AGBL4: variants seen among roughly 807,000 people sequenced by gnomAD.
The protein encoded by AGBL4 is AGBL carboxypeptidase 4.
Under a neutral mutation model 66.4 loss-of-function variants are expected in AGBL4, and 58 were observed. The observed-to-expected ratio is 0.87, with a 90% CI of 0.71 to 1.09. The LOEUF (loss-of-function observed/expected upper bound fraction) is 1.09, where lower values mean the gene tolerates loss of function less well. AGBL4 is among the 50% of genes least tolerant of loss of function. The probability of loss-of-function intolerance (pLI) is 0.00; values close to 1 mark genes in which losing one functional copy is unlikely to be tolerated. For synonymous variants in AGBL4, 234 were observed against 222.9 expected, an observed-to-expected ratio of 1.05 and a Z score of -0.44; for missense variants, 579 against 631.0, an observed-to-expected ratio of 0.92 and a Z score of 0.88.
chr1:49,658,521 G>T (rs1017056015), intron 3 of AGBL4, among the ~76,000 whole-genome samples: 11 of 152,110 alleles, frequency 7.2e-5, no homozygotes, highest in African/African-American at 2.7e-4. Context: ...TATACCCAAA[G>T]GAATATAAAT....
At chr1:48,847,841 A>T (rs993304373) in intron 6 of AGBL4, among the ~76,000 whole-genome samples, 2 of 152,228 alleles carry the variant, frequency 1.3e-5, no homozygotes, top group Admixed American at 1.3e-4. Flanking sequence ...CCTGGTACAC[A>T]GTCTGTGCTC....
intron 2 of AGBL4, chr1:49,842,097 T>C: frequency 2.9e-6 from 1 of 340,494 alleles, no homozygotes; most frequent in South Asian, 3.0e-5. Flanking sequence ...CCCGACCTCC[T>C]GAAGTCCGCG....
intron 3 of AGBL4, among the ~76,000 whole-genome samples, chr1:49,298,762 G>T (rs1474333997): frequency 6.6e-6 from 1 of 152,160 alleles, no homozygotes; most frequent in African/African-American, 2.4e-5. Context: ...TTCTGACATG[G>T]GAATTTTATC....
At chr1:49,790,576 T>TTATAC (rs1210853119) in intron 2 of AGBL4, among the ~76,000 whole-genome samples, 4 of 152,074 alleles carry the variant, frequency 2.6e-5, no homozygotes, top group Admixed American at 2.6e-4. Context: ...TCAATTGAGT[T>TTATAC]TATACAGCAA....
intron 6 of AGBL4, among the ~76,000 whole-genome samples, chr1:48,715,479 C>T (rs992193891): frequency 7.2e-5 from 11 of 152,286 alleles, no homozygotes; most frequent in South Asian, 6.2e-4. Flanking sequence ...CCTGTGCCCA[C>T]GAGCTCTTGG....
At chr1:49,991,690 T>C (rs1042648998) in intron 1 of AGBL4, among the ~76,000 whole-genome samples, 1 of 152,156 alleles carries the variant, frequency 6.6e-6, no homozygotes, top group Non-Finnish European at 1.5e-5. Context: ...AATCTATCCT[T>C]TCCACAACAA....
At chr1:49,613,874 C>T (rs186087979) in intron 3 of AGBL4, among the ~76,000 whole-genome samples, 2 of 152,226 alleles carry the variant, frequency 1.3e-5, no homozygotes, top group African/African-American at 4.8e-5. Flanking sequence ...AAAACTGGTC[C>T]CTGGTGCCAA....
At chr1:49,316,122 G>A (rs1013452937) in intron 3 of AGBL4, among the ~76,000 whole-genome samples, 3 of 151,910 alleles carry the variant, frequency 2.0e-5, no homozygotes, top group Non-Finnish European at 2.9e-5. Context: ...AGAAAGGGAC[G>A]AATAGGTGGA....
At chr1:49,399,240 C>T (rs1447331058) in intron 3 of AGBL4, among the ~76,000 whole-genome samples, 1 of 152,044 alleles carries the variant, frequency 6.6e-6, no homozygotes, top group Non-Finnish European at 1.5e-5. Context: ...TTATCCATTC[C>T]TCTGTTTATG....
intron 1 of AGBL4, among the ~76,000 whole-genome samples, chr1:49,887,139 ATATATATATATATACATTGTG>A (rs892171595): frequency 8.9e-6 from 1 of 112,404 alleles, no homozygotes; most frequent in Non-Finnish European, 2.2e-5. Flanking sequence ...ATTTTGTGAT[ATATATATATATATACATTGTG>A]TGTATATATA....
chr1:48,595,576 T>G (rs1644982800), intron 9 of AGBL4, among the ~76,000 whole-genome samples: 1 of 152,218 alleles, frequency 6.6e-6, no homozygotes, highest in South Asian at 2.1e-4. Context: ...AGGACCTTAA[T>G]TAAAACAGAA....
intron 1 of AGBL4, among the ~76,000 whole-genome samples, chr1:49,969,190 C>T (rs1463727957): frequency 6.6e-6 from 1 of 152,174 alleles, no homozygotes; most frequent in Non-Finnish European, 1.5e-5. Flanking sequence ...TTTTAAACCA[C>T]TTTATTGAGG....
intron 3 of AGBL4, among the ~76,000 whole-genome samples, chr1:49,278,197 TC>T (rs1644207919): frequency 6.6e-6 from 1 of 151,668 alleles, no homozygotes; most frequent in African/African-American, 2.4e-5. Flanking sequence ...TCTGTGTCCC[TC>T]TTTTTTTTTT....
intron 3 of AGBL4, among the ~76,000 whole-genome samples, chr1:49,411,226 T>C (rs1570651965): frequency 1.3e-5 from 2 of 151,912 alleles, no homozygotes; most frequent in Admixed American, 1.3e-4. Context: ...TAACCTGGAG[T>C]CTGATGTCCA....
At chr1:49,738,291 C>T (rs530861308) in intron 2 of AGBL4, among the ~76,000 whole-genome samples, 4 of 152,304 alleles carry the variant, frequency 2.6e-5, no homozygotes, top group African/African-American at 9.6e-5. Flanking sequence ...CCTACGCCCA[C>T]GGAGCCCCGC....
At chr1:48,669,888 C>G (rs989016382) in intron 6 of AGBL4, among the ~76,000 whole-genome samples, 2 of 152,156 alleles carry the variant, frequency 1.3e-5, no homozygotes, top group Non-Finnish European at 2.9e-5. Context: ...CAGTTCCCGA[C>G]TCGTTAGCAT....
chr1:48,946,356 G>A (rs930222393), intron 5 of AGBL4, among the ~76,000 whole-genome samples: 1 of 152,158 alleles, frequency 6.6e-6, no homozygotes, highest in African/African-American at 2.4e-5. Context: ...TGATTTGTCT[G>A]TGCATCCCAA....
Position 49,851,523 on chromosome 1 carries a change from T to C in AGBL4, c.35-5A>G. The C allele has an allele frequency of 6.5e-7, 1 of 1,543,492 alleles. No homozygotes were observed. Among genetic ancestry groups the C allele is most frequent in the Non-Finnish European group, 8.7e-7 (1 of 1,144,298 alleles). ...CATCATTTCCCATATCATTGCCTAT[T>C]TAAAAAAATTGAAATAAAAGTCAAA... On this transcript the variant is annotated splice_region_variant and splice_polypyrimidine_tract_variant and intron_variant, in intron 1 of 13. Transcript: ENST00000371839.
chr1:49,147,355 C>G (rs1646237804), intron 4 of AGBL4, among the ~76,000 whole-genome samples: 1 of 152,202 alleles, frequency 6.6e-6, no homozygotes. Flanking sequence ...CATGATTACA[C>G]AGGAGTGTAT....
Sources: gnomAD v4.1 joint callset for allele counts (sites outside exome capture counted in the v4.1 genomes callset) on GRCh38, gnomAD v4.1.1 for gene constraint, MANE v1.5 for transcripts, NCBI Gene and HGNC (gene_info 2026-07-23, HGNC 2026-07-21) for gene names.